RPP30: variants seen among roughly 807,000 people sequenced by gnomAD.
RPP30 encodes the protein ribonuclease P protein subunit p30.
In RPP30, 36 loss-of-function variants were observed where a neutral mutation model predicts 38.6. The ratio of observed to expected loss-of-function variants is 0.93; its 90% confidence interval spans 0.71 to 1.23. The LOEUF (loss-of-function observed/expected upper bound fraction) is 1.23. Among genes scored for constraint, RPP30 ranks in the 50% most tolerant of loss-of-function variants. RPP30 has a pLI of 0.00. For synonymous variants in RPP30, 126 were observed against 112.7 expected (o/e 1.12, Z -0.75); for missense variants, 321 against 321.7 (o/e 1.00, Z 0.02).
At chr10:90,907,051 C>T (rs1847261524), downstream of RPP30, among the ~76,000 whole-genome samples, 1 of 152,144 alleles carries the variant, frequency 6.6e-6, no homozygotes, top group South Asian at 2.1e-4. Flanking sequence ...TGCCCTCTAC[C>T]TAGTTATTAG....
At chr10:90,891,786 A>T (rs1433686798) in intron 6 of RPP30, among the ~76,000 whole-genome samples, 2 of 152,226 alleles carry the variant, frequency 1.3e-5, no homozygotes, top group Non-Finnish European at 2.9e-5. Flanking sequence ...GGAAGAAGAC[A>T]CAAGAAATTA....
At chr10:90,904,041 ATTTGGTC>A (rs940672903), downstream of RPP30, among the ~76,000 whole-genome samples, 2 of 152,204 alleles carry the variant, frequency 1.3e-5, no homozygotes, top group African/African-American at 4.8e-5. Flanking sequence ...TTGTTTATGT[ATTTGGTC>A]TTTGGACTTG....
intron 5 of RPP30, among the ~76,000 whole-genome samples, chr10:90,884,197 T>C (rs1300339279): frequency 7.9e-5 from 12 of 152,194 alleles, no homozygotes; most frequent in Non-Finnish European, 1.5e-4. Flanking sequence ...CTTTGTAGGG[T>C]ATATAGCTAC....
chr10:90,906,380 G>T (rs1049057160), downstream of RPP30, among the ~76,000 whole-genome samples: 2 of 152,168 alleles, frequency 1.3e-5, no homozygotes, highest in Non-Finnish European at 2.9e-5. Context: ...ATTTTTTAAG[G>T]AACTGAAAAT....
At chr10:90,895,587 T>G (rs533343175) in intron 8 of RPP30, 104 bp downstream of exon 8, 1 of 718,770 alleles carries the variant, frequency 1.4e-6, no homozygotes, top group African/African-American at 1.8e-5. Flanking sequence ...TTGCATTTTT[T>G]TCTATTTTAA....
chr10:90,872,494 G>A (rs1185243598), intron 1 of RPP30, among the ~76,000 whole-genome samples: 1 of 152,100 alleles, frequency 6.6e-6, no homozygotes, highest in Non-Finnish European at 1.5e-5. Flanking sequence ...AGAAGGAGGA[G>A]GACGTGGGAG....
downstream of RPP30, among the ~76,000 whole-genome samples, chr10:90,902,750 A>G (rs776013420): frequency 1.3e-5 from 2 of 152,206 alleles, no homozygotes; most frequent in Admixed American, 6.5e-5. Flanking sequence ...ATTAAATGTG[A>G]TGGCTCCAAA....
intron 5 of RPP30, among the ~76,000 whole-genome samples, chr10:90,880,869 T>G (rs1846919961): frequency 6.6e-6 from 1 of 152,204 alleles, no homozygotes; most frequent in South Asian, 2.1e-4. Flanking sequence ...ACTGGAGACT[T>G]TGTTCCAGTA....
chr10:90,877,634 G>A (rs1846869913), intron 4 of RPP30, among the ~76,000 whole-genome samples: 1 of 151,558 alleles, frequency 6.6e-6, no homozygotes, highest in Non-Finnish European at 1.5e-5. Flanking sequence ...AAAAAAAAAA[G>A]TCTGTCAGAT....
chr10:90,875,656 C>T (rs1447615431), intron 3 of RPP30, 42 bp downstream of exon 3: 2 of 1,515,022 alleles, frequency 1.3e-6, no homozygotes, highest in Admixed American at 1.7e-5. Flanking sequence ...TCTATTTATT[C>T]AGTTAAAAGG....
chr10:90,878,630 CAT>C lies in RPP30; in HGVS notation c.271-430_271-429del, dbSNP rs567329027. Reference sequence around the variant, plus strand: ...CTTCAGGCCCCTCAAGTGTCTGGGACATATGTGTGTACCACCACACCCAGCTA... The same window carrying C: ...CTTCAGGCCCCTCAAGTGTCTGGGACATGTGTGTACCACCACACCCAGCTA... On this transcript the variant is annotated intron_variant, in intron 4 of 10. Coordinates refer to ENST00000371703, the MANE Select transcript of RPP30 (RefSeq NM_006413.5). Among the ~76,000 whole-genome samples the C allele has an allele frequency of 1.6e-3, 242 of 152,104 alleles. 4 individuals carry two copies. The South Asian group carries it at 0.026, about 16-fold the overall frequency.
chr10:90,907,758 C>T (rs998221169), downstream of RPP30, among the ~76,000 whole-genome samples: 2 of 152,150 alleles, frequency 1.3e-5, no homozygotes, highest in African/African-American at 2.4e-5. Context: ...TAAAGGTTAC[C>T]ACCTCAAAGA....
rs148223550 is a variant in RPP30, at chr10:90,894,865, A to C, written c.523A>C (p.Asn175His). The change falls in exon 7 of 11, where the codon AAT becomes CAT. Residue 175 changes from asparagine (N) to histidine (H), a missense_variant. Physicochemically the swap from Asn to His is moderately conservative, Grantham distance 68 (BLOSUM62 1). Transcript: ENST00000371703. ...MRRYTISSAL[N>H]LMQICKGKNV... ...AAGGTATACAATTTCCAGTGCCCTC[A>C]ATTTGATGCAAATCTGCAAAGGAAA... The C allele has an allele frequency of 1.8e-4, 283 of 1,611,240 alleles. No individual in the cohort carries two copies. The highest frequency in any genetic ancestry group is 1.6e-4 in the Middle Eastern group (1 of 6,076).
At chr10:90,874,970 G>C in intron 2 of RPP30, 46 bp downstream of exon 2, 1 of 1,234,494 alleles carries the variant, frequency 8.1e-7, no homozygotes, top group Non-Finnish European at 1.2e-6. Context: ...ATAAGTATTT[G>C]TAATTCTGTT....
At chr10:90,908,025 TC>T (rs1462694892), downstream of RPP30, among the ~76,000 whole-genome samples, 2 of 152,208 alleles carry the variant, frequency 1.3e-5, no homozygotes, top group Non-Finnish European at 2.9e-5. Flanking sequence ...GTACGACATG[TC>T]ACTGTACTGA....
intron 6 of RPP30, among the ~76,000 whole-genome samples, chr10:90,894,393 C>T (rs1166744310): frequency 6.6e-6 from 1 of 152,074 alleles, no homozygotes; most frequent in Non-Finnish European, 1.5e-5. Flanking sequence ...GGTCAGATTA[C>T]TTGGTTTACT....
At chr10:90,872,478 G>A (rs1846792811) in intron 1 of RPP30, among the ~76,000 whole-genome samples, 1 of 152,162 alleles carries the variant, frequency 6.6e-6, no homozygotes, top group Non-Finnish European at 1.5e-5. Flanking sequence ...CGCCGTGGAG[G>A]CTCGGAGAAG....
chr10:90,895,290 C>A, intron 7 of RPP30, 164 bp from the exon 8 acceptor site: 1 of 509,462 alleles, frequency 2.0e-6, no homozygotes, highest in Admixed American at 4.0e-5. Flanking sequence ...TTTAGTTTGA[C>A]ATGAAGTCTT....
chr10:90,873,388 CAA>C (rs1353303799), intron 1 of RPP30, among the ~76,000 whole-genome samples: 2 of 152,110 alleles, frequency 1.3e-5, no homozygotes, highest in Non-Finnish European at 2.9e-5. Flanking sequence ...ACTTACAAGT[CAA>C]AGACAAAGGA....
Sources: allele counts gnomAD v4.1 joint callset (sites outside exome capture counted in the v4.1 genomes callset), GRCh38; gene constraint gnomAD v4.1.1; transcripts MANE v1.5; gene names NCBI Gene and HGNC (gene_info 2026-07-23, HGNC 2026-07-21).